The following GPLD1 variants were observed in gnomAD, a reference collection of about 807,000 sequenced individuals.
GPLD1 encodes phosphatidylinositol-glycan-specific phospholipase D.
GPLD1 carries 84 observed loss-of-function variants against 112.6 expected under a neutral mutation model. The observed-to-expected ratio is 0.75, with a 90% CI of 0.63 to 0.89. GPLD1 has a LOEUF of 0.89. Ranked by LOEUF, GPLD1 falls within the 40% of genes least tolerant of loss-of-function variation. The pLI, the probability that GPLD1 is intolerant of heterozygous loss-of-function variation, is 0.00. For missense variants in GPLD1, 1,044 were observed against 1,051.5 expected (o/e 0.99, Z 0.10); for synonymous variants, 386 against 403.8 (o/e 0.96, Z 0.53).
chr6:24,436,841 G>A lies in GPLD1; in HGVS notation c.2198-105C>T, dbSNP rs1030027684. ...ACCCAACCTCTTACAAATAATATTA[G>A]TATCTCCTTTAGTCGGCTGTGATTT... On this transcript the variant is annotated intron_variant, in intron 21 of 24. Transcript: ENST00000230036. 2.0e-5 allele frequency: 23 copies of A among 1,130,664 alleles called. No homozygotes were observed. In the South Asian group the frequency reaches 3.2e-4, roughly 16 times the overall value. 70.0% of individuals were successfully genotyped at this position (1,130,664 alleles called of 1,614,324 possible). A position where few individuals can be genotyped will look rare whatever the true frequency, so the allele number is the denominator to read the frequency against.
intron 22 of GPLD1, among the ~76,000 whole-genome samples, chr6:24,436,190 A>G (rs1762573913): frequency 6.6e-6 from 1 of 152,102 alleles, no homozygotes. Context: ...CAGGAGTTTG[A>G]GGCTGCAGTG....
At chr6:24,477,937 T>A (rs565763696) in intron 3 of GPLD1, among the ~76,000 whole-genome samples, 1 of 152,188 alleles carries the variant, frequency 6.6e-6, no homozygotes, top group Non-Finnish European at 1.5e-5. Context: ...GGAATTTGTA[T>A]GCAAATTCCC....
chr6:24,482,143 G>A lies in GPLD1; in HGVS notation c.154-2184C>T, dbSNP rs572273185. ...TGAGATGGAGTCTCACACTGTCACC[G>A]GGCTGGAGTGCAGTGGCGTGATCTC... On this transcript the variant is annotated intron_variant, in intron 2 of 24. Transcript: ENST00000230036. Among the ~76,000 whole-genome samples the A allele has an allele frequency of 3.3e-4, 44 of 133,596 alleles. 2 individuals carry two copies. The South Asian group carries it at 7.2e-3, about 22-fold the overall frequency. 87.6% of individuals were successfully genotyped at this position (133,596 alleles called of 152,430 possible). A position where few individuals can be genotyped will look rare whatever the true frequency, so the allele number is the denominator to read the frequency against.
At position 24,454,141 on chromosome 6, in the gene GPLD1, TG is replaced by T; in HGVS notation, c.1208del (p.Pro403GlnfsTer120). ...GGATGTGGCCGGGGCGGCTGTAGCC[TG>T]GTGCGCCCACCACGAGGTCACCGTG... ...DGHGDLVVGA[P>X]GYSRPGHIHI... On this transcript the variant is annotated frameshift_variant, in exon 14 of 25. Transcript: ENST00000230036. LOFTEE classifies it high-confidence loss of function. 1 of 1,614,026 alleles carries T rather than the reference TG, an allele frequency of 6.2e-7. No individual in the cohort carries two copies. Among genetic ancestry groups the T allele is most frequent in the Non-Finnish European group, 8.5e-7 (1 of 1,179,946 alleles).
chr6:24,473,545 T>C lies in GPLD1; in HGVS notation c.490+74A>G, dbSNP rs922196797. The C allele has an allele frequency of 5.5e-6, 5 of 902,386 alleles. No homozygotes were observed. The African/African-American group carries it at 8.2e-5, about 15-fold the overall frequency. The allele number at this position is 902,386 out of a possible 1,614,324, so 55.9% of individuals were successfully genotyped here. A position where few individuals can be genotyped will look rare whatever the true frequency, so the allele number is the denominator to read the frequency against. On this transcript the variant is annotated intron_variant, in intron 6 of 24. Transcript: ENST00000230036. The stretch of plus-strand genomic sequence containing the variant: ...AGCAAAATATTAAAGACACACATAT[T>C]TAAAGCACAGTAGTGATGTCATTAT...
At chr6:24,443,831 T>C (rs1762827567) in intron 20 of GPLD1, among the ~76,000 whole-genome samples, 1 of 151,874 alleles carries the variant, frequency 6.6e-6, no homozygotes, top group Non-Finnish European at 1.5e-5. Context: ...CCACTATGCC[T>C]GGCTAATTTG....
At chr6:24,494,796 G>C (rs1462453880) in intron 1 of GPLD1, 5 of 528,830 alleles carry the variant, frequency 9.5e-6, no homozygotes, top group Non-Finnish European at 1.1e-5. Flanking sequence ...TTAGGGCAAG[G>C]TGCAGAGGGC....
At chr6:24,442,084 TATAC>T (rs1038507696) in intron 20 of GPLD1, among the ~76,000 whole-genome samples, 3 of 149,692 alleles carry the variant, frequency 2.0e-5, no homozygotes, top group African/African-American at 2.4e-5. Context: ...TAGCATATTA[TATAC>T]ATACATAAAA....
intron 13 of GPLD1, among the ~76,000 whole-genome samples, chr6:24,454,897 G>A (rs1027495755): frequency 1.3e-5 from 2 of 152,258 alleles, no homozygotes; most frequent in Admixed American, 1.3e-4. Flanking sequence ...GGGAGGCCAA[G>A]GCAGGTGGAT....
intron 13 of GPLD1, among the ~76,000 whole-genome samples, chr6:24,454,626 G>A (rs1011480893): frequency 6.6e-6 from 1 of 152,084 alleles, no homozygotes; most frequent in Non-Finnish European, 1.5e-5. Flanking sequence ...GAGCTTGTGT[G>A]AAATAGACTA....
At chr6:24,456,389 C>T in intron 13 of GPLD1, 109 bp downstream of exon 13, 1 of 758,324 alleles carries the variant, frequency 1.3e-6, no homozygotes, top group Non-Finnish European at 2.1e-6. Context: ...AAGTGAGACT[C>T]TGTCTCAAAA....
chr6:24,453,610 T>G (rs936067154), intron 14 of GPLD1, among the ~76,000 whole-genome samples: 2 of 152,178 alleles, frequency 1.3e-5, no homozygotes, highest in Non-Finnish European at 2.9e-5. Context: ...CACTCCAGCC[T>G]GGGTGACAGA....
At chr6:24,476,888 C>G (rs1764037228) in intron 3 of GPLD1, among the ~76,000 whole-genome samples, 1 of 152,052 alleles carries the variant, frequency 6.6e-6, no homozygotes, top group Non-Finnish European at 1.5e-5. Context: ...CCTCCAAGAG[C>G]CACAAATGCC....
intron 3 of GPLD1, 55 bp from the exon 4 acceptor site, chr6:24,476,333 A>C (rs1297180739): frequency 2.3e-6 from 2 of 885,662 alleles, no homozygotes; most frequent in Admixed American, 2.0e-5. Context: ...GAGAGTCTCA[A>C]TCAAATCTTC....
At chr6:24,464,449 C>T (rs931394610) in intron 10 of GPLD1, among the ~76,000 whole-genome samples, 1 of 152,144 alleles carries the variant, frequency 6.6e-6, no homozygotes. Flanking sequence ...AAGTGGCATT[C>T]ATATGAGATT....
At chr6:24,474,670 G>A (rs113695228) in intron 5 of GPLD1, among the ~76,000 whole-genome samples, 19 of 152,240 alleles carry the variant, frequency 1.2e-4, no homozygotes, top group Admixed American at 8.5e-4. Flanking sequence ...GACCGGGCGC[G>A]GTGGCTTATG....
intron 20 of GPLD1, among the ~76,000 whole-genome samples, chr6:24,443,463 T>C (rs1166257132): frequency 6.6e-6 from 1 of 152,128 alleles, no homozygotes; most frequent in Non-Finnish European, 1.5e-5. Context: ...CAAATGCAGT[T>C]TGTCAGTTTG....
At chr6:24,467,091 G>A (rs1352002444) in intron 8 of GPLD1, 76 bp downstream of exon 8, 2 of 1,142,776 alleles carry the variant, frequency 1.8e-6, no homozygotes, top group Non-Finnish European at 2.6e-6. Context: ...CCAGTCTCAG[G>A]AAACAAAAAC....
chr6:24,432,694 AT>A (rs1419251873), intron 24 of GPLD1, among the ~76,000 whole-genome samples: 1 of 152,238 alleles, frequency 6.6e-6, no homozygotes, highest in Non-Finnish European at 1.5e-5. Flanking sequence ...CCAGCAAACA[AT>A]TTTGGAGAAC....
Sources: gnomAD v4.1 joint callset for allele counts (sites outside exome capture counted in the v4.1 genomes callset) on GRCh38, gnomAD v4.1.1 for gene constraint, MANE v1.5 for transcripts, NCBI Gene and HGNC (gene_info 2026-07-23, HGNC 2026-07-21) for gene names.